Variants in ARHGAP6 observed in about 807,000 individuals in gnomAD.
ARHGAP6 encodes Rho GTPase activating protein 6.
A neutral mutation model predicts 55.7 loss-of-function variants in ARHGAP6; 16 were observed. That is an observed-to-expected ratio of 0.29 (90% CI 0.19 to 0.44). The LOEUF is 0.44. Among genes scored for constraint, ARHGAP6 ranks in the 20% least tolerant of loss-of-function variants. The pLI is 1.00. For missense variants in ARHGAP6, 698 were observed against 808.9 expected (o/e 0.86, Z 1.66); for synonymous variants, 382 against 360.9 (o/e 1.06, Z -0.66).
intron 2 of ARHGAP6, among the ~76,000 whole-genome samples, 179 bp downstream of exon 2, chrX:11,254,369 C>A (rs1001599642): frequency 2.7e-5 from 3 of 111,799 alleles, no homozygotes; most frequent in Non-Finnish European, 5.6e-5. Flanking sequence ...ACCTGACATG[C>A]AAATTGTCCC....
At chrX:11,284,904 A>G (rs1293481785) in intron 1 of ARHGAP6, among the ~76,000 whole-genome samples, 1 of 111,776 alleles carries the variant, frequency 8.9e-6, no homozygotes, top group African/African-American at 3.3e-5. Flanking sequence ...GCTTCCAAAT[A>G]TTATAAAATG....
chrX:11,483,643 TG>T (rs1212634939), intron 1 of ARHGAP6, among the ~76,000 whole-genome samples: 1 of 101,743 alleles, frequency 9.8e-6, no homozygotes, highest in Non-Finnish European at 2.0e-5. Flanking sequence ...GATAATCAAA[TG>T]TTTTTTTTTT....
At chrX:11,396,123 C>A (rs1335286139) in intron 1 of ARHGAP6, among the ~76,000 whole-genome samples, 1 of 111,166 alleles carries the variant, frequency 9.0e-6, no homozygotes, top group Non-Finnish European at 1.9e-5. Flanking sequence ...TTAGTTGCTT[C>A]CAATAGAAAG....
At chrX:11,155,240 CAT>C (rs1260573010) in intron 10 of ARHGAP6, among the ~76,000 whole-genome samples, 2 of 112,314 alleles carry the variant, frequency 1.8e-5, no homozygotes, top group Admixed American at 1.9e-4. Context: ...AATAACTTAA[CAT>C]GTGTTACTGT....
chrX:11,152,322 G>A (rs2147279595), intron 10 of ARHGAP6, among the ~76,000 whole-genome samples: 1 of 112,138 alleles, frequency 8.9e-6, no homozygotes, highest in Non-Finnish European at 1.9e-5. Context: ...ACACAAACAT[G>A]TGTTACTGAT....
At chrX:11,525,221 G>C (rs1441905404) in intron 1 of ARHGAP6, among the ~76,000 whole-genome samples, 1 of 111,750 alleles carries the variant, frequency 8.9e-6, no homozygotes, top group Non-Finnish European at 1.9e-5. Flanking sequence ...CCTGACTCCG[G>C]TTGTTGGCAA....
At chrX:11,586,980 T>A (rs1305034935) in intron 1 of ARHGAP6, among the ~76,000 whole-genome samples, 1 of 111,798 alleles carries the variant, frequency 8.9e-6, no homozygotes, top group Admixed American at 9.5e-5. Flanking sequence ...ACTTGACGGT[T>A]GTTGGTGTAT....
intron 1 of ARHGAP6, among the ~76,000 whole-genome samples, chrX:11,374,634 C>A (rs1325257507): frequency 8.9e-6 from 1 of 112,163 alleles, no homozygotes; most frequent in African/African-American, 3.2e-5. Context: ...TCAAATAAAT[C>A]TGAAAGAGTA....
chrX:11,510,300 A>G (rs914352320), intron 1 of ARHGAP6, among the ~76,000 whole-genome samples: 1 of 111,469 alleles, frequency 9.0e-6, no homozygotes, highest in Non-Finnish European at 1.9e-5. Flanking sequence ...AAGAAAAGGG[A>G]AGGTGAGTGT....
intron 1 of ARHGAP6, among the ~76,000 whole-genome samples, chrX:11,541,071 G>C (rs2051153320): frequency 8.9e-6 from 1 of 112,436 alleles, no homozygotes; most frequent in Non-Finnish European, 1.9e-5. Context: ...TTCAGGTATA[G>C]TGGGGCTAAC....
chrX:11,296,164 C>T, intron 1 of ARHGAP6, among the ~76,000 whole-genome samples: 1 of 112,693 alleles, frequency 8.9e-6, no homozygotes, highest in East Asian at 2.8e-4. Flanking sequence ...CTTGTTCTGG[C>T]ATTCATCAAT....
intron 1 of ARHGAP6, among the ~76,000 whole-genome samples, chrX:11,522,267 C>T (rs1333454635): frequency 3.3e-4 from 36 of 110,409 alleles, no homozygotes; most frequent in African/African-American, 1.2e-3. Context: ...GCACTAAATG[C>T]CCACAAGAGA....
chrX:11,153,518 C>T (rs964603452), intron 10 of ARHGAP6, among the ~76,000 whole-genome samples: 7 of 67,625 alleles, frequency 1.0e-4, no homozygotes, highest in Admixed American at 2.2e-4. Flanking sequence ...GAGCGAGACT[C>T]GATCTCAAAA....
intron 1 of ARHGAP6, among the ~76,000 whole-genome samples, chrX:11,441,638 C>T (rs2050039985): frequency 8.9e-6 from 1 of 111,850 alleles, no homozygotes; most frequent in South Asian, 3.8e-4. Flanking sequence ...GCAGCGGTAA[C>T]CCAAGCACAG....
chrX:11,178,315 G>A, intron 7 of ARHGAP6, 67 bp from the exon 8 acceptor site: 2 of 1,072,029 alleles, frequency 1.9e-6, no homozygotes, highest in Admixed American at 3.1e-5. Context: ...CAGAGGAAAG[G>A]CCTCCTCTCA....
intron 1 of ARHGAP6, chrX:11,298,010 G>C: frequency 3.3e-6 from 3 of 917,483 alleles, no homozygotes; most frequent in Non-Finnish European, 4.8e-6. Context: ...TAGCATATAA[G>C]AAAAGATGAA....
chrX:11,211,376 A>C (rs1396223467), intron 2 of ARHGAP6, among the ~76,000 whole-genome samples: 1 of 91,318 alleles, frequency 1.1e-5, no homozygotes, highest in African/African-American at 4.1e-5. Flanking sequence ...CGCCCGCCAC[A>C]CTAATTAGCC....
intron 12 of ARHGAP6, 117 bp from the exon 13 acceptor site, chrX:11,139,647 G>GAAAC: frequency 1.3e-5 from 10 of 777,249 alleles, no homozygotes; most frequent in Admixed American, 4.5e-5. Flanking sequence ...TTCTAAAACT[G>GAAAC]AAACAGCACA....
At chrX:11,660,566 A>C (rs867580866) in intron 1 of ARHGAP6, among the ~76,000 whole-genome samples, 2,178 of 89,476 alleles carry the variant, frequency 0.024, 195 homozygotes, top group African/African-American at 0.085. Context: ...AAAAAAAAAA[A>C]AAAAAAAAAA....
Sources: gnomAD v4.1 joint callset for allele counts (sites outside exome capture counted in the v4.1 genomes callset) on GRCh38, gnomAD v4.1.1 for gene constraint, MANE v1.5 for transcripts, NCBI Gene and HGNC (gene_info 2026-07-23, HGNC 2026-07-21) for gene names.